Variants in NELL2 observed in about 807,000 individuals in gnomAD.
The protein encoded by NELL2 is neural EGFL like 2.
NELL2 carries 41 observed loss-of-function variants against 109.6 expected under a neutral mutation model. That is an observed-to-expected ratio of 0.37 (90% CI 0.29 to 0.49). The LOEUF is 0.49. Among genes scored for constraint, NELL2 ranks in the 20% least tolerant of loss-of-function variants. The pLI is 0.98. For missense variants in NELL2, 900 were observed against 1,008.3 expected (o/e 0.89, Z 1.45); for synonymous variants, 355 against 344.7 (o/e 1.03, Z -0.33).
chr12:44,571,324 AC>A (rs1483744398), intron 15 of NELL2, among the ~76,000 whole-genome samples: 1 of 152,182 alleles, frequency 6.6e-6, no homozygotes, highest in Non-Finnish European at 1.5e-5. Context: ...TGGTTCTGTC[AC>A]CCAGAGCACA....
At chr12:44,854,461 T>A (rs1205945549) in intron 2 of NELL2, among the ~76,000 whole-genome samples, 1 of 152,126 alleles carries the variant, frequency 6.6e-6, no homozygotes, top group African/African-American at 2.4e-5. Flanking sequence ...AAAAAGAGGA[T>A]GTTACGGACA....
intron 15 of NELL2, among the ~76,000 whole-genome samples, chr12:44,580,589 T>C (rs1944288615): frequency 6.6e-6 from 1 of 152,112 alleles, no homozygotes; most frequent in Non-Finnish European, 1.5e-5. Context: ...GGTGGGCACC[T>C]GTAATCCCAG....
intron 11 of NELL2, among the ~76,000 whole-genome samples, chr12:44,706,755 T>C (rs1448978723): frequency 6.6e-6 from 1 of 152,206 alleles, no homozygotes; most frequent in East Asian, 1.9e-4. Context: ...ATATTTGTTA[T>C]AGACAGATGG....
intron 13 of NELL2, among the ~76,000 whole-genome samples, chr12:44,641,483 G>A (rs1946851597): frequency 6.6e-6 from 1 of 151,910 alleles, no homozygotes; most frequent in Non-Finnish European, 1.5e-5. Flanking sequence ...AAAACCATGT[G>A]ATCAAAATGC....
chr12:44,677,796 C>A (rs1948366278), intron 12 of NELL2, among the ~76,000 whole-genome samples: 2 of 152,020 alleles, frequency 1.3e-5, no homozygotes, highest in South Asian at 4.2e-4. Flanking sequence ...AGATAATATC[C>A]TTCTTTTTTA....
intron 15 of NELL2, among the ~76,000 whole-genome samples, chr12:44,600,127 A>AATTTATTTATTTATTTATTT (rs57168113): frequency 1.1e-4 from 15 of 132,186 alleles, no homozygotes; most frequent in African/African-American, 2.0e-4. Context: ...ACGCCCGGCT[A>AATTTATTTATTTATTTATTT]ATTTATTTAT....
rs1402636614 is a variant in NELL2, at chr12:44,886,988, C to CAT, written c.39-11090_39-11089dup. On this transcript the variant is annotated intron_variant, in intron 1 of 20. Transcript: ENST00000333837. ...TTTACTGAATATTATTGCATGTGTA[C>CAT]ATATACTACCTTTTCTTCATCCATT... Among the ~76,000 whole-genome samples the CAT allele has an allele frequency of 2.0e-5, 3 of 152,122 alleles. No individual in the cohort carries two copies. In the East Asian group the frequency reaches 5.8e-4, roughly 29 times the overall value.
chr12:44,509,744 G>GTATT (rs1940901428), intron 19 of NELL2, among the ~76,000 whole-genome samples: 1 of 152,136 alleles, frequency 6.6e-6, no homozygotes, highest in African/African-American at 2.4e-5. Context: ...CCAGTCTATG[G>GTATT]TATTCTGTTA....
intron 15 of NELL2, among the ~76,000 whole-genome samples, chr12:44,536,850 A>T (rs1942311404): frequency 6.6e-6 from 1 of 151,996 alleles, no homozygotes; most frequent in Non-Finnish European, 1.5e-5. Flanking sequence ...ATGTTTAGCC[A>T]TCCAACAACA....
chr12:44,891,160 G>A (rs1349054223), intron 1 of NELL2, among the ~76,000 whole-genome samples: 1 of 152,170 alleles, frequency 6.6e-6, no homozygotes, highest in Admixed American at 6.5e-5. Context: ...CCCTTCTGAG[G>A]TGTTCTTCAC....
At chr12:44,546,416 C>T (rs995512063) in intron 15 of NELL2, among the ~76,000 whole-genome samples, 1 of 152,100 alleles carries the variant, frequency 6.6e-6, no homozygotes, top group Admixed American at 6.6e-5. Flanking sequence ...TGCTGAAACA[C>T]CCTTTAGCTT....
intron 12 of NELL2, among the ~76,000 whole-genome samples, chr12:44,689,869 C>T (rs913904838): frequency 1.2e-4 from 18 of 151,998 alleles, no homozygotes; most frequent in African/African-American, 2.9e-4. Flanking sequence ...TAGTACAAAA[C>T]GTCAACAGTG....
chr12:44,647,239 CCAAAGTTTA>C, intron 13 of NELL2, among the ~76,000 whole-genome samples: 1 of 152,078 alleles, frequency 6.6e-6, no homozygotes, highest in East Asian at 1.9e-4. Flanking sequence ...ACTGAGTTAG[CCAAAGTTTA>C]CAACCACATG....
intron 15 of NELL2, among the ~76,000 whole-genome samples, chr12:44,562,406 C>T (rs1203729325): frequency 1.3e-5 from 2 of 151,924 alleles, no homozygotes; most frequent in African/African-American, 4.8e-5. Context: ...AAAATCTTTG[C>T]AATCTATCCA....
chr12:44,882,105 A>T (rs1945417990), intron 1 of NELL2, among the ~76,000 whole-genome samples: 1 of 151,956 alleles, frequency 6.6e-6, no homozygotes, highest in Non-Finnish European at 1.5e-5. Flanking sequence ...TTGCCAATAG[A>T]CCTACTCTAA....
chr12:44,890,743 T>TTA (rs1467131110), intron 1 of NELL2, among the ~76,000 whole-genome samples: 1 of 152,022 alleles, frequency 6.6e-6, no homozygotes, highest in Non-Finnish European at 1.5e-5. Context: ...TTATTTTATT[T>TTA]TTTTTGATAC....
At chr12:44,610,805 C>G (rs1267690979) in intron 14 of NELL2, 43 bp downstream of exon 14, 1 of 1,611,260 alleles carries the variant, frequency 6.2e-7, no homozygotes, top group South Asian at 1.1e-5. Flanking sequence ...AGATGGATGG[C>G]ATTATACATA....
intron 9 of NELL2, among the ~76,000 whole-genome samples, chr12:44,756,610 A>G (rs1024901551): frequency 2.0e-5 from 3 of 152,142 alleles, no homozygotes; most frequent in African/African-American, 4.8e-5. Context: ...CTCATAAAAA[A>G]TGTTAAAAGC....
At chr12:44,827,423 T>TC (rs1213652956) in intron 2 of NELL2, among the ~76,000 whole-genome samples, 1 of 151,194 alleles carries the variant, frequency 6.6e-6, no homozygotes, top group Non-Finnish European at 1.5e-5. Flanking sequence ...TTTTTTTTTT[T>TC]TTTTTGTACC....
Sources: gnomAD v4.1 joint callset for allele counts (sites outside exome capture counted in the v4.1 genomes callset) on GRCh38, gnomAD v4.1.1 for gene constraint, MANE v1.5 for transcripts, NCBI Gene and HGNC (gene_info 2026-07-23, HGNC 2026-07-21) for gene names.